CCDC91: variants seen among roughly 807,000 people sequenced by gnomAD.
CCDC91 encodes coiled-coil domain-containing protein 91.
Under a neutral mutation model 63.2 loss-of-function variants are expected in CCDC91, and 48 were observed. The ratio of observed to expected loss-of-function variants is 0.76; its 90% confidence interval spans 0.60 to 0.97. CCDC91 has a LOEUF of 0.97. CCDC91 is among the 50% of genes least tolerant of loss of function. The pLI is 0.00. For missense variants in CCDC91, 500 were observed against 494.6 expected, an observed-to-expected ratio of 1.01 and a Z score of -0.10; for synonymous variants, 167 against 165.8, an observed-to-expected ratio of 1.01 and a Z score of -0.06.
chr12:28,439,394 GT>G (rs1949065580), intron 8 of CCDC91, among the ~76,000 whole-genome samples: 1 of 152,142 alleles, frequency 6.6e-6, no homozygotes, highest in Non-Finnish European at 1.5e-5. Flanking sequence ...TTTAAGTCAT[GT>G]TAAGTGGAGG....
At chr12:28,517,882 T>C (rs181324602) in intron 12 of CCDC91, among the ~76,000 whole-genome samples, 27 of 152,074 alleles carry the variant, frequency 1.8e-4, no homozygotes, top group Non-Finnish European at 3.7e-4. Context: ...TGACAACATA[T>C]GATATTTGGT....
At chr12:28,535,695 T>A (rs1942096466) in intron 12 of CCDC91, among the ~76,000 whole-genome samples, 1 of 152,184 alleles carries the variant, frequency 6.6e-6, no homozygotes, top group African/African-American at 2.4e-5. Flanking sequence ...AAGTAACTTT[T>A]ACCAGATTTT....
intron 12 of CCDC91, among the ~76,000 whole-genome samples, chr12:28,530,355 C>A (rs922594214): frequency 3.0e-4 from 46 of 152,314 alleles, no homozygotes; most frequent in African/African-American, 1.1e-3. Context: ...CAACCTTCAT[C>A]CAGCATCAAC....
chr12:28,299,504 T>G (rs1937801469), intron 3 of CCDC91, among the ~76,000 whole-genome samples: 1 of 151,648 alleles, frequency 6.6e-6, no homozygotes, highest in South Asian at 2.1e-4. Flanking sequence ...GTATTCTGTT[T>G]TAGGATTTCT....
intron 3 of CCDC91, among the ~76,000 whole-genome samples, chr12:28,281,163 A>T (rs2136578435): frequency 6.6e-6 from 1 of 152,242 alleles, no homozygotes; most frequent in Admixed American, 6.5e-5. Context: ...TAAATTTGGA[A>T]GTTTTTATTC....
In CCDC91 at chr12:28,453,642, C is replaced by T. The variant is rs1422163561; in HGVS notation, c.1101+988C>T. On this transcript the variant is annotated intron_variant, in intron 11 of 12. Coordinates refer to ENST00000536442, the MANE Select transcript of CCDC91 (RefSeq NM_018318.5). The stretch of plus-strand genomic sequence containing the variant: ...AAATAACAGTAGTACAGTAGCAGAT[C>T]TTTTTTTTTCTTGCGTTTTTTCACT... 3.8e-4 allele frequency among the ~76,000 whole-genome samples: 58 copies of T among 151,278 alleles called. 2 individuals carry two copies. Among genetic ancestry groups the T allele is most frequent in the Admixed American group, 3.6e-3 (54 of 15,154 alleles).
intron 12 of CCDC91, 122 bp from the exon 13 acceptor site, chr12:28,548,941 G>T: frequency 1.6e-6 from 1 of 624,960 alleles, no homozygotes; most frequent in Non-Finnish European, 2.9e-6. Flanking sequence ...AGTACTATTT[G>T]ATTTCCTAAA....
intron 1 of CCDC91, among the ~76,000 whole-genome samples, chr12:28,241,317 A>C (rs982541085): frequency 6.6e-6 from 1 of 152,180 alleles, no homozygotes; most frequent in East Asian, 1.9e-4. Flanking sequence ...GTAAATTGAG[A>C]AGCATTTCCT....
chr12:28,436,607 C>T (rs1356618401), intron 8 of CCDC91, among the ~76,000 whole-genome samples: 1 of 151,796 alleles, frequency 6.6e-6, no homozygotes, highest in Admixed American at 6.6e-5. Context: ...ATCTGTATAA[C>T]TTGCATCATT....
intron 12 of CCDC91, among the ~76,000 whole-genome samples, chr12:28,538,596 A>AT (rs1250733832): frequency 6.6e-6 from 1 of 152,094 alleles, no homozygotes; most frequent in Non-Finnish European, 1.5e-5. Flanking sequence ...TAGCAGCATG[A>AT]TTTATAATCG....
At chr12:28,354,210 C>G (rs1276211658) in intron 6 of CCDC91, among the ~76,000 whole-genome samples, 1 of 152,080 alleles carries the variant, frequency 6.6e-6, no homozygotes, top group Non-Finnish European at 1.5e-5. Context: ...TCCAAATGAT[C>G]TAGGGGGAAT....
chr12:28,517,023 T>C (rs1592925164), intron 12 of CCDC91, among the ~76,000 whole-genome samples: 1 of 151,960 alleles, frequency 6.6e-6, no homozygotes, highest in East Asian at 1.9e-4. Context: ...CTTTGTTGTG[T>C]CAATACCCTA....
chr12:28,304,564 C>A, intron 3 of CCDC91: 1 of 563,294 alleles, frequency 1.8e-6, no homozygotes, highest in Admixed American at 3.7e-5. Context: ...GAATATCAAT[C>A]ACAAATTGAT....
intron 11 of CCDC91, among the ~76,000 whole-genome samples, chr12:28,464,472 G>T (rs1285490366): frequency 3.3e-5 from 5 of 152,160 alleles, no homozygotes; most frequent in African/African-American, 1.2e-4. Flanking sequence ...CAGTAGGGAG[G>T]ACTTTGTCTT....
chr12:28,198,163 C>T (rs558563559), intron 1 of CCDC91, among the ~76,000 whole-genome samples: 3 of 152,224 alleles, frequency 2.0e-5, no homozygotes, highest in Non-Finnish European at 4.4e-5. Context: ...TTTTCTGTGT[C>T]TACCACCTCC....
chr12:28,410,935 C>T (rs1159216480), intron 8 of CCDC91, among the ~76,000 whole-genome samples: 1 of 152,088 alleles, frequency 6.6e-6, no homozygotes, highest in African/African-American at 2.4e-5. Context: ...ATTATTCCCT[C>T]ATGTTTTTTT....
At chr12:28,407,949 TAC>T (rs143568765) in intron 8 of CCDC91, among the ~76,000 whole-genome samples, 62,651 of 123,198 alleles carry the variant, frequency 0.51, 14,540 homozygotes, top group East Asian at 0.64. Flanking sequence ...CATAGATATA[TAC>T]ATATATATAT....
intron 6 of CCDC91, among the ~76,000 whole-genome samples, chr12:28,320,394 T>A (rs928501737): frequency 2.0e-5 from 3 of 151,924 alleles, no homozygotes; most frequent in East Asian, 1.9e-4. Context: ...TCTTTTTTTT[T>A]ATGTGCTTAA....
chr12:28,193,606 A>C (rs1941469548), intron 1 of CCDC91, among the ~76,000 whole-genome samples: 1 of 74,062 alleles, frequency 1.4e-5, no homozygotes, highest in East Asian at 2.2e-4. Context: ...TCTCAAAAAC[A>C]AAAAAAAAAA....
Sources: allele counts gnomAD v4.1 joint callset (sites outside exome capture counted in the v4.1 genomes callset), GRCh38; gene constraint gnomAD v4.1.1; transcripts MANE v1.5; gene names NCBI Gene and HGNC (gene_info 2026-07-23, HGNC 2026-07-21).